The following TRHDE variants were observed in gnomAD, a reference collection of about 807,000 sequenced individuals.
TRHDE encodes the protein thyrotropin-releasing hormone-degrading ectoenzyme.
A neutral mutation model predicts 125.7 loss-of-function variants in TRHDE; 72 were observed. The ratio of observed to expected loss-of-function variants is 0.57; its 90% CI spans 0.47 to 0.70. The LOEUF is 0.70. Ranked by LOEUF, TRHDE falls within the 30% of genes least tolerant of loss-of-function variation. TRHDE has a pLI of 0.00. For synonymous variants in TRHDE, 509 were observed against 509.1 expected (o/e 1.00, Z 0.00); for missense variants, 1,110 against 1,327.1 (o/e 0.84, Z 2.54).
chr12:72,261,488 C>G (rs1878949468), intron 2 of TRHDE, among the ~76,000 whole-genome samples: 1 of 152,112 alleles, frequency 6.6e-6, no homozygotes, highest in African/African-American at 2.4e-5. Flanking sequence ...AAATAATAAG[C>G]AATGCTATCT....
chr12:72,569,137 A>G (rs1870600404), intron 10 of TRHDE, among the ~76,000 whole-genome samples: 1 of 152,168 alleles, frequency 6.6e-6, no homozygotes, highest in Admixed American at 6.5e-5. Context: ...TTAGCAAGCC[A>G]TCTCTTAGGT....
chr12:72,091,604 GAA>G (rs1455437403), intron 1 of TRHDE, among the ~76,000 whole-genome samples: 1 of 152,166 alleles, frequency 6.6e-6, no homozygotes, highest in Admixed American at 6.5e-5. Context: ...GTTGCATCAA[GAA>G]GAATATTGTT....
At chr12:72,188,615 A>G (rs935652138) in intron 2 of TRHDE, among the ~76,000 whole-genome samples, 3 of 152,224 alleles carry the variant, frequency 2.0e-5, no homozygotes, top group African/African-American at 7.2e-5. Context: ...ACTCATCTAC[A>G]GAGGCAGCCT....
chr12:72,374,998 A>ACTGT (rs1269502671), intron 2 of TRHDE, among the ~76,000 whole-genome samples: 1 of 152,156 alleles, frequency 6.6e-6, no homozygotes, highest in African/African-American at 2.4e-5. Context: ...AGCTGGAGGA[A>ACTGT]CTGTAATCAA....
chr12:72,307,290 G>A (rs1045834863), intron 2 of TRHDE, among the ~76,000 whole-genome samples: 2 of 151,528 alleles, frequency 1.3e-5, no homozygotes, highest in African/African-American at 2.4e-5. Context: ...TCAGCCTCCC[G>A]AGTAGCCAGG....
chr12:72,533,394 C>A (rs1177972540), intron 6 of TRHDE, among the ~76,000 whole-genome samples: 2 of 151,986 alleles, frequency 1.3e-5, no homozygotes, highest in Admixed American at 6.6e-5. Context: ...AAGATGTTCT[C>A]GATTTCCTGA....
At chr12:72,491,077 T>A (rs1877658725) in intron 5 of TRHDE, among the ~76,000 whole-genome samples, 1 of 151,630 alleles carries the variant, frequency 6.6e-6, no homozygotes, top group Admixed American at 6.6e-5. Context: ...TATCTATGTA[T>A]ATCCCATGTT....
intron 12 of TRHDE, among the ~76,000 whole-genome samples, chr12:72,616,612 C>T (rs909137204): frequency 4.6e-5 from 7 of 151,962 alleles, no homozygotes; most frequent in African/African-American, 1.7e-4. Flanking sequence ...AATGTCTATC[C>T]AATTTTAGAG....
At chr12:72,474,531 G>A (rs1221745888) in intron 5 of TRHDE, among the ~76,000 whole-genome samples, 1 of 152,020 alleles carries the variant, frequency 6.6e-6, no homozygotes, top group East Asian at 1.9e-4. Flanking sequence ...TGTAGTATTT[G>A]TCTATTTTAT....
chr12:72,634,008 C>T (rs1032934032), intron 15 of TRHDE, among the ~76,000 whole-genome samples: 2 of 151,994 alleles, frequency 1.3e-5, no homozygotes, highest in East Asian at 3.9e-4. Flanking sequence ...GAACAATTTG[C>T]TATTTTCCCA....
chr12:72,360,631 A>C (rs934196890), intron 2 of TRHDE, among the ~76,000 whole-genome samples: 7 of 151,742 alleles, frequency 4.6e-5, no homozygotes, highest in Admixed American at 1.3e-4. Context: ...GTAAGATGTA[A>C]ATTGGTACAA....
At chr12:72,348,652 G>T (rs929054608) in intron 2 of TRHDE, among the ~76,000 whole-genome samples, 3 of 151,888 alleles carry the variant, frequency 2.0e-5, no homozygotes, top group African/African-American at 7.3e-5. Flanking sequence ...CAAAAGCTTG[G>T]AATGCTTCAT....
intron 3 of TRHDE, among the ~76,000 whole-genome samples, chr12:72,453,951 A>T (rs1020109271): frequency 6.6e-6 from 1 of 152,334 alleles, no homozygotes; most frequent in South Asian, 2.1e-4. Flanking sequence ...GGGCAGTGTC[A>T]TAAAGCTTCC....
At chr12:72,378,200 C>T in intron 3 of TRHDE, 79 bp downstream of exon 3, 3 of 1,285,562 alleles carry the variant, frequency 2.3e-6, no homozygotes, top group Non-Finnish European at 3.1e-6. Context: ...TTTGAGCCAT[C>T]CAGAAGCATG....
intron 2 of TRHDE, among the ~76,000 whole-genome samples, chr12:72,238,310 A>ACATATATATATACACAT (rs1394854201): frequency 2.9e-5 from 1 of 34,826 alleles, no homozygotes; most frequent in African/African-American, 9.7e-5. Flanking sequence ...ATATATATAT[A>ACATATATATATACACAT]TATATATATA....
At chr12:72,091,984 C>A (rs1322257515) in intron 1 of TRHDE, among the ~76,000 whole-genome samples, 1 of 152,162 alleles carries the variant, frequency 6.6e-6, no homozygotes, top group Non-Finnish European at 1.5e-5. Flanking sequence ...AAAACAGTTT[C>A]TTTTGTCTTT....
At chr12:72,524,030 C>T (rs1868292075) in intron 6 of TRHDE, among the ~76,000 whole-genome samples, 1 of 152,182 alleles carries the variant, frequency 6.6e-6, no homozygotes, top group African/African-American at 2.4e-5. Flanking sequence ...CAATACTAAC[C>T]TGGTCTCCAT....
At chr12:72,195,402 A>C (rs997096225) in intron 2 of TRHDE, among the ~76,000 whole-genome samples, 2 of 152,050 alleles carry the variant, frequency 1.3e-5, no homozygotes, top group Non-Finnish European at 2.9e-5. Context: ...TCACAGCTTC[A>C]CTAGCATCTG....
Position 72,249,704 on chromosome 12 carries a change from A to G in TRHDE, n.280-128291A>G, listed in dbSNP as rs1371560461. ...TCTCATGTGTTGTTGATGGGAATGT[A>G]AAATACTTTATAAATGCTCGAGTAT... On this transcript the variant is annotated intron_variant and non_coding_transcript_variant, in intron 2 of 4. Transcript: ENST00000548156. Among the ~76,000 whole-genome samples, 4 of 152,198 alleles carry G rather than the reference A, an allele frequency of 2.6e-5. No individual in the cohort carries two copies. The East Asian group carries it at 5.8e-4, about 22-fold the overall frequency.
Sources: gnomAD v4.1 joint callset for allele counts (sites outside exome capture counted in the v4.1 genomes callset) on GRCh38, gnomAD v4.1.1 for gene constraint, MANE v1.5 for transcripts, NCBI Gene and HGNC (gene_info 2026-07-23, HGNC 2026-07-21) for gene names.